RBFOX2: variants seen among roughly 807,000 people sequenced by gnomAD.
RBFOX2 encodes RNA binding fox-1 homolog 2.
RBFOX2 carries 10 observed loss-of-function variants against 49.1 expected under a neutral mutation model. The ratio of observed to expected loss-of-function variants is 0.20; its 90% confidence interval spans 0.13 to 0.35. RBFOX2 has a LOEUF of 0.35. RBFOX2 is among the 10% of genes least tolerant of loss of function. RBFOX2 has a pLI of 1.00. For missense variants in RBFOX2, 323 were observed against 486.9 expected, an observed-to-expected ratio of 0.66 and a Z score of 3.17; for synonymous variants, 183 against 187.4, an observed-to-expected ratio of 0.98 and a Z score of 0.19.
chr22:35,961,992 T>C (rs2056250374), upstream of RBFOX2, among the ~76,000 whole-genome samples: 1 of 152,168 alleles, frequency 6.6e-6, no homozygotes, highest in South Asian at 2.1e-4. Flanking sequence ...ACATATAAGA[T>C]TGGCAGAGAG....
upstream of RBFOX2, among the ~76,000 whole-genome samples, chr22:35,940,057 G>C (rs1186866983): frequency 6.6e-6 from 1 of 152,150 alleles, no homozygotes; most frequent in East Asian, 1.9e-4. Context: ...AATTTTCATT[G>C]ATAGGACTTT....
chr22:35,901,740 A>G (rs1259662987), intron 1 of RBFOX2, among the ~76,000 whole-genome samples: 1 of 152,086 alleles, frequency 6.6e-6, no homozygotes, highest in Non-Finnish European at 1.5e-5. Context: ...TAGAGCTCTT[A>G]CTCCCAGTTA....
chr22:35,806,407 C>T (rs746542001), intron 2 of RBFOX2, among the ~76,000 whole-genome samples: 7 of 151,812 alleles, frequency 4.6e-5, no homozygotes, highest in South Asian at 2.1e-4. Flanking sequence ...AGCACAAAGG[C>T]GCGTGGGGAA....
intron 1 of RBFOX2, among the ~76,000 whole-genome samples, chr22:35,898,866 C>T (rs1364361216): frequency 6.6e-6 from 1 of 152,130 alleles, no homozygotes; most frequent in African/African-American, 2.4e-5. Context: ...GTGGCTCATG[C>T]CTGTCATCCC....
chr22:35,807,659 C>T (rs1025549023), intron 2 of RBFOX2, among the ~76,000 whole-genome samples: 1 of 151,834 alleles, frequency 6.6e-6, no homozygotes, highest in African/African-American at 2.4e-5. Context: ...AATCAATCAC[C>T]TAAGCTTGCA....
chr22:35,831,522 C>A (rs533259224), intron 1 of RBFOX2, among the ~76,000 whole-genome samples: 1 of 152,300 alleles, frequency 6.6e-6, no homozygotes, highest in South Asian at 2.1e-4. Flanking sequence ...ATTTCAGTGT[C>A]CGTAAATAGT....
At chr22:35,967,617 T>C (rs535188388) in intron 1 of RBFOX2, among the ~76,000 whole-genome samples, 14 of 152,270 alleles carry the variant, frequency 9.2e-5, no homozygotes, top group African/African-American at 3.1e-4. Context: ...TAGCTAATAA[T>C]TGCATGACAC....
chr22:35,901,841 G>T (rs1012971865), intron 1 of RBFOX2, among the ~76,000 whole-genome samples: 1 of 152,076 alleles, frequency 6.6e-6, no homozygotes, highest in African/African-American at 2.4e-5. Flanking sequence ...CAGCAATTTG[G>T]GAGGCTGAGG....
upstream of RBFOX2, chr22:35,939,127 C>A (rs2053432171): frequency 1.5e-6 from 1 of 680,870 alleles, no homozygotes; most frequent in African/African-American, 1.8e-5. Context: ...CTATTTCTTC[C>A]TTATGCAGCT....
At chr22:35,753,628 T>TAAAAAA (rs918387208) in intron 9 of RBFOX2, among the ~76,000 whole-genome samples, 1 of 142,520 alleles carries the variant, frequency 7.0e-6, no homozygotes, top group Admixed American at 7.0e-5. Context: ...GTTAGTAGAT[T>TAAAAAA]AAAAAAAAAA....
chr22:35,852,477 C>A, intron 1 of RBFOX2, among the ~76,000 whole-genome samples: 1 of 147,730 alleles, frequency 6.8e-6, no homozygotes, highest in African/African-American at 2.5e-5. Flanking sequence ...ATAGTGACAC[C>A]TTTCTTTTTA....
chr22:35,760,059 GC>G (rs757410484), intron 8 of RBFOX2, 39 bp from the exon 10 acceptor site: 2 of 1,610,998 alleles, frequency 1.2e-6, no homozygotes, highest in South Asian at 2.2e-5. Context: ...ATTTCAACTT[GC>G]ATTCAATAGA....
At chr22:35,740,049 G>C (rs1394189427) in exon 12 of RBFOX2, 20 of 152,630 alleles carry the variant, frequency 1.3e-4, no homozygotes, top group Admixed American at 1.2e-3. Flanking sequence ...CTCCATCCCT[G>C]GGCTCCTCAC....
At chr22:35,784,828 C>T (rs113999236) in intron 2 of RBFOX2, among the ~76,000 whole-genome samples, 3,526 of 152,274 alleles carry the variant, frequency 0.023, 151 homozygotes, top group African/African-American at 0.08. Context: ...CCGCGACCAC[C>T]GCCGGCAGAT....
chr22:35,977,948 G>A (rs1328198072), intron 1 of RBFOX2, among the ~76,000 whole-genome samples: 1 of 151,710 alleles, frequency 6.6e-6, no homozygotes. Flanking sequence ...GAGTGGTTGG[G>A]GGTCAGGGGG....
chr22:35,986,151 T>C (rs774448495), intron 1 of RBFOX2, among the ~76,000 whole-genome samples: 29 of 152,274 alleles, frequency 1.9e-4, no homozygotes, highest in Middle Eastern at 6.8e-3. Context: ...ACCACTATTA[T>C]AGGCAATCAG....
chr22:35,791,033 C>T (rs1335496809), intron 2 of RBFOX2, among the ~76,000 whole-genome samples: 1 of 151,146 alleles, frequency 6.6e-6, no homozygotes, highest in Admixed American at 6.6e-5. Flanking sequence ...CACACACACA[C>T]ACAAAAAAAG....
chr22:35,858,997 A>C (rs1230517752), intron 1 of RBFOX2, among the ~76,000 whole-genome samples: 1 of 152,220 alleles, frequency 6.6e-6, no homozygotes, highest in Non-Finnish European at 1.5e-5. Flanking sequence ...TATTCATTCA[A>C]TCATGATATC....
At chr22:35,912,345 G>C (rs532516600) in intron 1 of RBFOX2, among the ~76,000 whole-genome samples, 1 of 152,252 alleles carries the variant, frequency 6.6e-6, no homozygotes, top group African/African-American at 2.4e-5. Context: ...ACATTCTCAG[G>C]AGCTCAAACA....
Sources: allele counts gnomAD v4.1 joint callset (sites outside exome capture counted in the v4.1 genomes callset), GRCh38; gene constraint gnomAD v4.1.1; transcripts MANE v1.5; gene names NCBI Gene and HGNC (gene_info 2026-07-23, HGNC 2026-07-21).